HDAC4: variants seen among roughly 807,000 people sequenced by gnomAD.
HDAC4 encodes histone deacetylase 4.
HDAC4 carries 16 observed loss-of-function variants against 135.1 expected under a neutral mutation model. That is an observed-to-expected ratio of 0.12 (90% confidence interval 0.08 to 0.18). The LOEUF (loss-of-function observed/expected upper bound fraction) is 0.18. Ranked by LOEUF, HDAC4 falls within the 10% of genes least tolerant of loss-of-function variation. The probability of loss-of-function intolerance (pLI) is 1.00; values close to 1 mark genes in which losing one functional copy is unlikely to be tolerated. For missense variants in HDAC4, 1,143 were observed against 1,511.8 expected, an observed-to-expected ratio of 0.76 and a Z score of 4.05; for synonymous variants, 685 against 653.4, an observed-to-expected ratio of 1.05 and a Z score of -0.74.
At chr2:239,203,698 G>A (rs999642900) in intron 3 of HDAC4, among the ~76,000 whole-genome samples, 1 of 152,182 alleles carries the variant, frequency 6.6e-6, no homozygotes, top group South Asian at 2.1e-4. Flanking sequence ...AGTCCAGTAG[G>A]GAAAGACTTC....
rs912594169 is a variant in HDAC4 at position 239,056,857 on chromosome 2, C to T, written c.3004-2024G>A. On this transcript the variant is annotated intron_variant, in intron 24 of 26. Coordinates refer to ENST00000543185, the MANE Select transcript of HDAC4 (RefSeq NM_001378414.1). ...CACATCTGACAAGCGAATGGCATTT[C>T]GATCCTATGATCTTCCTCCCCAAAG... is the stretch of plus-strand genomic sequence containing the variant. Among the ~76,000 whole-genome samples, 28 of 152,226 alleles carry T rather than the reference C, an allele frequency of 1.8e-4. 1 individual carries two copies. Among genetic ancestry groups the T allele is most frequent in the Admixed American group, 7.9e-4 (12 of 15,282 alleles).
intron 22 of HDAC4, among the ~76,000 whole-genome samples, chr2:239,073,619 T>G (rs970864553): frequency 6.6e-6 from 1 of 152,256 alleles, no homozygotes; most frequent in African/African-American, 2.4e-5. Flanking sequence ...CATTCTTCCA[T>G]GCATGATTCT....
Position 239,309,853 on chromosome 2 carries a change from C to T in HDAC4, c.22+42825G>A, listed in dbSNP as rs1002660054. On this transcript the variant is annotated intron_variant, in intron 2 of 26. Coordinates refer to ENST00000543185, the MANE Select transcript of HDAC4 (RefSeq NM_001378414.1). The surrounding 1 kb of genome is among the most constrained non-coding windows in gnomAD (Gnocchi z 4.2). Reference sequence around the variant, plus strand: ...GATGTGGCCGTGCCAGCAGGGAGGCCAGCAGCCCCTAGCAGAAGGGTGTTC... The same window carrying T: ...GATGTGGCCGTGCCAGCAGGGAGGCTAGCAGCCCCTAGCAGAAGGGTGTTC... Among the ~76,000 whole-genome samples the T allele has an allele frequency of 6.6e-6, 1 of 152,242 alleles. No homozygotes were observed. Among genetic ancestry groups the T allele is most frequent in the South Asian group, 2.1e-4 (1 of 4,832 alleles).
rs766739079 is a variant in HDAC4, at chr2:239,245,032, C to G, written c.23-8368G>C. On this transcript the variant is annotated intron_variant, in intron 2 of 26. Coordinates refer to ENST00000543185, the MANE Select transcript of HDAC4 (RefSeq NM_001378414.1). The surrounding 1 kb of genome is among the most constrained non-coding windows in gnomAD (Gnocchi z 4.4). The stretch of plus-strand genomic sequence containing the variant: ...CATCTGCCCATTAATAGAAATTAAA[C>G]TTTAATGAGTAAGTGCTGTGAATTC... 2.6e-5 allele frequency among the ~76,000 whole-genome samples: 4 copies of G among 152,210 alleles called. No individual in the cohort carries two copies. The highest frequency in any genetic ancestry group is 7.2e-5 in the African/African-American group (3 of 41,448).
intron 2 of HDAC4, among the ~76,000 whole-genome samples, chr2:239,258,310 T>C (rs2049158558): frequency 6.7e-6 from 1 of 149,720 alleles, no homozygotes; most frequent in African/African-American, 2.5e-5. Context: ...AAGGAGACAC[T>C]GAACGGGTCA....
At chr2:239,185,653 T>C (rs2044503146) in intron 4 of HDAC4, among the ~76,000 whole-genome samples, 1 of 152,126 alleles carries the variant, frequency 6.6e-6, no homozygotes. Context: ...TAGCCATGGC[T>C]TCGTGGCCTG....
At chr2:239,292,553 C>T (rs1446493176) in intron 2 of HDAC4, among the ~76,000 whole-genome samples, 1 of 152,146 alleles carries the variant, frequency 6.6e-6, no homozygotes, top group African/African-American at 2.4e-5. Flanking sequence ...AAAATACAGA[C>T]CCACCAACCC....
Position 239,139,866 on chromosome 2 carries a change from G to A in HDAC4, c.866-70C>T, listed in dbSNP as rs184046634. 8.2e-5 allele frequency: 109 copies of A among 1,325,834 alleles called. No individual in the cohort carries two copies. Among genetic ancestry groups the A allele is most frequent in the African/African-American group, 4.0e-4 (28 of 69,476 alleles). The allele number at this position is 1,325,834 out of a possible 1,614,324, so 82.1% of individuals were successfully genotyped here. ...GGAGGGCCGTGCTGACCTGTGGCCCGAATGCCCGGTGCCTTCCACGGACCT... is the reference window on the plus strand; with the variant it reads ...GGAGGGCCGTGCTGACCTGTGGCCCAAATGCCCGGTGCCTTCCACGGACCT... On this transcript the variant is annotated intron_variant, in intron 8 of 26. Transcript: ENST00000543185. This position sits in a 1 kb window ranked among gnomAD's most constrained non-coding sequence, Gnocchi z 5.3.
chr2:239,333,224 A>G (rs1312388719), intron 2 of HDAC4, among the ~76,000 whole-genome samples: 1 of 152,140 alleles, frequency 6.6e-6, no homozygotes, highest in Non-Finnish European at 1.5e-5. Flanking sequence ...TTGATTTTAT[A>G]TAACCTGAAA....
chr2:239,357,593 G>C (rs192362791), intron 1 of HDAC4, among the ~76,000 whole-genome samples: 201 of 152,006 alleles, frequency 1.3e-3, no homozygotes, highest in African/African-American at 4.3e-3. Context: ...TATCGAGAAT[G>C]AGAGAGGGGG....
At chr2:239,375,970 G>C (rs554437598) in intron 1 of HDAC4, among the ~76,000 whole-genome samples, 1 of 152,250 alleles carries the variant, frequency 6.6e-6, no homozygotes, top group Non-Finnish European at 1.5e-5. Context: ...ACAGCCTGCT[G>C]GACGCCCTGG....
intron 2 of HDAC4, among the ~76,000 whole-genome samples, chr2:239,327,683 G>A (rs527624626): frequency 9.6e-4 from 146 of 152,338 alleles, no homozygotes; most frequent in African/African-American, 3.4e-3. Flanking sequence ...CTTTCCCAGA[G>A]AGACTGCCTG....
chr2:239,198,901 C>G (rs2045575518), intron 3 of HDAC4, among the ~76,000 whole-genome samples: 1 of 152,172 alleles, frequency 6.6e-6, no homozygotes, highest in African/African-American at 2.4e-5. Flanking sequence ...GGGAAGCAGG[C>G]CCCAGTCGTC....
At chr2:239,237,937 C>T (rs2047978961) in intron 2 of HDAC4, among the ~76,000 whole-genome samples, 1 of 152,222 alleles carries the variant, frequency 6.6e-6, no homozygotes, top group Non-Finnish European at 1.5e-5. Flanking sequence ...AGACACTGGG[C>T]ATATTCGGAG....
intron 24 of HDAC4, among the ~76,000 whole-genome samples, chr2:239,055,708 C>T (rs1336644664): frequency 6.8e-6 from 1 of 147,790 alleles, no homozygotes; most frequent in Admixed American, 6.7e-5. Context: ...CAGAGTGAGA[C>T]CCTGTCTCAA....
chr2:239,093,424 G>A (rs1445429226), intron 17 of HDAC4, among the ~76,000 whole-genome samples: 1 of 152,220 alleles, frequency 6.6e-6, no homozygotes, highest in African/African-American at 2.4e-5. Flanking sequence ...TGGCTCTGGA[G>A]GAGACATGAG....
chr2:239,151,755 T>G lies in HDAC4; in HGVS notation c.733+4897A>C, dbSNP rs538613070. Among the ~76,000 whole-genome samples, 5 of 152,334 alleles carry G rather than the reference T, an allele frequency of 3.3e-5. No individual in the cohort carries two copies. The South Asian group carries it at 8.3e-4, about 25-fold the overall frequency. ...GAAGTTACCAACTTCTCACCAAACG[T>G]GAGCTCTGGGATTTTGCTTCCTTAA... On this transcript the variant is annotated intron_variant, in intron 7 of 26. Coordinates refer to ENST00000543185, the MANE Select transcript of HDAC4 (RefSeq NM_001378414.1).
intron 25 of HDAC4, among the ~76,000 whole-genome samples, chr2:239,054,138 G>A (rs1034450308): frequency 1.3e-5 from 2 of 152,136 alleles, no homozygotes; most frequent in Non-Finnish European, 1.5e-5. Context: ...CTCACACAGG[G>A]AAACGGGGAG....
In HDAC4 at chr2:239,146,931, G is replaced by A. The variant is rs539045635; in HGVS notation, c.734-2217C>T. 7.2e-5 allele frequency among the ~76,000 whole-genome samples: 11 copies of A among 152,282 alleles called. No individual in the cohort carries two copies. The highest frequency in any genetic ancestry group is 4.1e-4 in the South Asian group (2 of 4,828). On this transcript the variant is annotated intron_variant, in intron 7 of 26. Coordinates refer to ENST00000543185, the MANE Select transcript of HDAC4 (RefSeq NM_001378414.1). This position sits in a 1 kb window ranked among gnomAD's most constrained non-coding sequence, Gnocchi z 4.5. ...GCTCCCTGATTCTAGCCGACTGCAC[G>A]TCCCTGGTCGACTCTGCCTGCAGGG... is the stretch of plus-strand genomic sequence containing the variant.
Sources: allele counts gnomAD v4.1 joint callset (sites outside exome capture counted in the v4.1 genomes callset), GRCh38; gene constraint gnomAD v4.1.1; non-coding constraint Gnocchi (gnomAD v3.1); transcripts MANE v1.5; gene names NCBI Gene and HGNC (gene_info 2026-07-23, HGNC 2026-07-21).